RBFOX1: variants seen among roughly 807,000 people sequenced by gnomAD.
RBFOX1 encodes the protein RNA binding protein fox-1 homolog 1.
A neutral mutation model predicts 57.7 loss-of-function variants in RBFOX1; 8 were observed. The observed-to-expected ratio is 0.14, with a 90% CI of 0.08 to 0.25. The LOEUF is 0.25. Among genes scored for constraint, RBFOX1 ranks in the 10% least tolerant of loss-of-function variants. RBFOX1 has a pLI of 1.00. For synonymous variants in RBFOX1, 326 were observed against 222.4 expected (o/e 1.47, Z -4.15); for missense variants, 611 against 548.5 (o/e 1.11, Z -1.14).
intron 1 of RBFOX1, among the ~76,000 whole-genome samples, chr16:5,435,974 A>G (rs1317724027): frequency 1.3e-5 from 2 of 152,208 alleles, no homozygotes; most frequent in Non-Finnish European, 2.9e-5. Context: ...GTCTTTGAAG[A>G]TTTTAAGCAC....
At chr16:6,622,391 T>G (rs2098245926) in intron 2 of RBFOX1, among the ~76,000 whole-genome samples, 1 of 152,190 alleles carries the variant, frequency 6.6e-6, no homozygotes, top group South Asian at 2.1e-4. Context: ...GTACTTACCT[T>G]TTAATGACAG....
At chr16:7,667,611 G>T (rs960385151) in intron 13 of RBFOX1, among the ~76,000 whole-genome samples, 1 of 152,194 alleles carries the variant, frequency 6.6e-6, no homozygotes, top group Non-Finnish European at 1.5e-5. Context: ...AATAGGTTTA[G>T]GGCAATTGTC....
chr16:5,686,646 A>G (rs952748489), intron 3 of RBFOX1, among the ~76,000 whole-genome samples: 2 of 152,158 alleles, frequency 1.3e-5, no homozygotes, highest in South Asian at 2.1e-4. Flanking sequence ...ATTTCTCTCT[A>G]TATATTGATT....
chr16:7,710,982 A>T lies in RBFOX1; in HGVS notation c.*237A>T, dbSNP rs2083921764. The T allele has an allele frequency of 2.2e-6, 1 of 454,550 alleles. No individual in the cohort carries two copies. The allele number at this position is 454,550 out of a possible 1,614,324, so 28.2% of individuals were successfully genotyped here. A position where few individuals can be genotyped will look rare whatever the true frequency, so the allele number is the denominator to read the frequency against. On this transcript the variant is annotated 3_prime_UTR_variant, in exon 16 of 16. Transcript: ENST00000550418. ...CCGTAGTTTGGTTGCTGGCTGTAGG[A>T]GTTTTTGTGGTTGATCTAGACAGAT...
At chr16:5,877,797 T>C (rs62017077) in intron 4 of RBFOX1, among the ~76,000 whole-genome samples, 21,039 of 152,218 alleles carry the variant, frequency 0.14, 1,928 homozygotes, top group Non-Finnish European at 0.19. Flanking sequence ...AGAAATAGGG[T>C]GGTAACTTCC....
At chr16:6,535,799 A>G (rs1020066709) in intron 2 of RBFOX1, among the ~76,000 whole-genome samples, 2 of 152,170 alleles carry the variant, frequency 1.3e-5, no homozygotes, top group Non-Finnish European at 2.9e-5. Context: ...GTCACTGCCT[A>G]TTTTTATATG....
chr16:7,479,417 G>T (rs549102091), intron 4 of RBFOX1, among the ~76,000 whole-genome samples: 1 of 152,016 alleles, frequency 6.6e-6, no homozygotes, highest in Non-Finnish European at 1.5e-5. Context: ...GGTATGAGCC[G>T]GGGTGCCTGG....
intron 1 of RBFOX1, among the ~76,000 whole-genome samples, chr16:6,089,026 G>T (rs1218732619): frequency 3.3e-5 from 5 of 150,734 alleles, no homozygotes; most frequent in Admixed American, 2.0e-4. Context: ...AACCCAGGAG[G>T]CGGAGGTTGC....
chr16:6,552,551 G>A (rs1001024282), intron 2 of RBFOX1, among the ~76,000 whole-genome samples: 4 of 152,196 alleles, frequency 2.6e-5, no homozygotes, highest in Non-Finnish European at 4.4e-5. Context: ...TTATCCCAGT[G>A]TTGTGTGCAT....
At chr16:6,231,900 G>C (rs1263727052) in intron 1 of RBFOX1, among the ~76,000 whole-genome samples, 1 of 147,062 alleles carries the variant, frequency 6.8e-6, no homozygotes, top group Non-Finnish European at 1.5e-5. Context: ...AATGAGGGAG[G>C]AAAATAAATA....
At chr16:6,032,767 G>A (rs1469839318) in intron 1 of RBFOX1, among the ~76,000 whole-genome samples, 1 of 152,078 alleles carries the variant, frequency 6.6e-6, no homozygotes, top group Non-Finnish European at 1.5e-5. Flanking sequence ...CGTTTTTTAG[G>A]TTTGGAGAAG....
At chr16:6,833,542 GC>G (rs1448648823) in intron 3 of RBFOX1, among the ~76,000 whole-genome samples, 1 of 152,102 alleles carries the variant, frequency 6.6e-6, no homozygotes, top group Non-Finnish European at 1.5e-5. Flanking sequence ...AGCCTGGCCA[GC>G]TACTCTCTGA....
intron 2 of RBFOX1, among the ~76,000 whole-genome samples, chr16:6,495,116 GTTTA>G (rs371112237): frequency 6.6e-5 from 10 of 152,048 alleles, no homozygotes; most frequent in Non-Finnish European, 1.3e-4. Context: ...TCTTTTGTTT[GTTTA>G]TTTATTTATT....
chr16:7,212,539 C>T (rs2091340295), intron 4 of RBFOX1, among the ~76,000 whole-genome samples: 1 of 152,152 alleles, frequency 6.6e-6, no homozygotes, highest in Admixed American at 6.6e-5. Flanking sequence ...ATAATGGGAT[C>T]AGTCCTGGGC....
intron 1 of RBFOX1, among the ~76,000 whole-genome samples, chr16:6,278,479 C>G (rs1011880186): frequency 4.2e-5 from 6 of 142,102 alleles, no homozygotes; most frequent in African/African-American, 1.5e-4. Context: ...TCACCTCCTA[C>G]TTTAATAAAT....
chr16:6,682,563 C>G (rs1027694841), intron 3 of RBFOX1, among the ~76,000 whole-genome samples: 3 of 152,022 alleles, frequency 2.0e-5, no homozygotes, highest in Non-Finnish European at 4.4e-5. Context: ...TGCTTTGCTG[C>G]GGAGAGTGTC....
chr16:5,922,701 A>G (rs1402993472), intron 4 of RBFOX1, among the ~76,000 whole-genome samples: 1 of 152,134 alleles, frequency 6.6e-6, no homozygotes, highest in Non-Finnish European at 1.5e-5. Context: ...CATTCTCCTT[A>G]CCCAGATTTC....
At chr16:7,054,483 C>T (rs1298759077) in intron 4 of RBFOX1, among the ~76,000 whole-genome samples, 1 of 146,578 alleles carries the variant, frequency 6.8e-6, no homozygotes, top group African/African-American at 2.5e-5. Context: ...CCTCGTGATC[C>T]GCCAGCCTCG....
chr16:5,710,359 C>T (rs561197677), intron 3 of RBFOX1, among the ~76,000 whole-genome samples: 1 of 152,142 alleles, frequency 6.6e-6, no homozygotes, highest in Non-Finnish European at 1.5e-5. Context: ...GGATGGCTGC[C>T]TTCTCCTGCT....
Sources: allele counts gnomAD v4.1 joint callset (sites outside exome capture counted in the v4.1 genomes callset), GRCh38; gene constraint gnomAD v4.1.1; transcripts MANE v1.5; gene names NCBI Gene and HGNC (gene_info 2026-07-23, HGNC 2026-07-21).